GRIN2B: variants seen among roughly 807,000 people sequenced by gnomAD.
The protein encoded by GRIN2B is glutamate receptor ionotropic, NMDA 2B.
Under a neutral mutation model 114.5 loss-of-function variants are expected in GRIN2B, and 5 were observed. The observed-to-expected ratio is 0.04, with a 90% confidence interval of 0.02 to 0.09. GRIN2B has a LOEUF of 0.09. Ranked by LOEUF, GRIN2B falls within the 10% of genes least tolerant of loss-of-function variation. The pLI is 1.00. For missense variants in GRIN2B, 1,108 were observed against 1,943.5 expected, an observed-to-expected ratio of 0.57 and a Z score of 8.08; for synonymous variants, 787 against 745.1, an observed-to-expected ratio of 1.06 and a Z score of -0.92.
intron 9 of GRIN2B, 40 bp from the exon 10 acceptor site, chr12:13,608,872 G>A (rs1179441564): frequency 6.8e-7 from 1 of 1,474,270 alleles, no homozygotes; most frequent in Admixed American, 1.7e-5. Flanking sequence ...TTAAGCCATT[G>A]TGGCTGGTTC....
At chr12:13,741,402 T>TAA (rs1863284670) in intron 4 of GRIN2B, among the ~76,000 whole-genome samples, 3 of 152,218 alleles carry the variant, frequency 2.0e-5, no homozygotes, top group Non-Finnish European at 4.4e-5. Flanking sequence ...GAGTCATTCC[T>TAA]AATTCACTCA....
chr12:13,546,954 T>A lies in GRIN2B; in HGVS notation c.*15829A>T, dbSNP rs1313591870. On this transcript the variant is annotated 3_prime_UTR_variant, in exon 14 of 14. Coordinates refer to ENST00000609686, the MANE Select transcript of GRIN2B (RefSeq NM_000834.5). The stretch of plus-strand genomic sequence containing the variant: ...TCCCTCTCCACTAAGAGCCACTCAC[T>A]ATCCCAGCACTTGATCTTGAGTTGA... 2 of 152,198 alleles carry A rather than the reference T, an allele frequency of 1.3e-5. No individual in the cohort carries two copies. The highest frequency in any genetic ancestry group is 2.9e-5 in the Non-Finnish European group (2 of 68,048). The allele number at this position is 152,198 out of a possible 1,614,324, so 9.4% of individuals were successfully genotyped here. A position where few individuals can be genotyped will look rare whatever the true frequency, so the allele number is the denominator to read the frequency against.
At position 13,554,946 on chromosome 12, in the gene GRIN2B, T is replaced by C. The variant is rs1477702944; in HGVS notation, c.*7837A>G. The stretch of plus-strand genomic sequence containing the variant: ...ATGGTTTTGGATATTTGAGTCAAGA[T>C]GAAGTTGAGTGTTCAGAAGGTGACT... On this transcript the variant is annotated 3_prime_UTR_variant, in exon 14 of 14. Transcript: ENST00000609686. The C allele has an allele frequency of 1.3e-5, 2 of 152,148 alleles. No homozygotes were observed. The highest frequency in any genetic ancestry group is 2.1e-4 in the South Asian group (1 of 4,828). 9.4% of individuals were successfully genotyped at this position (152,148 alleles called of 1,614,324 possible).
At chr12:13,697,006 G>A (rs981661674) in intron 4 of GRIN2B, among the ~76,000 whole-genome samples, 1 of 152,082 alleles carries the variant, frequency 6.6e-6, no homozygotes, top group African/African-American at 2.4e-5. Flanking sequence ...CAGCAGGAGG[G>A]GAAAGGGTGA....
At chr12:13,754,626 C>G in intron 3 of GRIN2B, among the ~76,000 whole-genome samples, 1 of 152,318 alleles carries the variant, frequency 6.6e-6, no homozygotes, top group Middle Eastern at 3.4e-3. Flanking sequence ...TGCTCTCTAA[C>G]TTCTACTCTG....
At chr12:13,625,209 T>C (rs1949554482) in intron 5 of GRIN2B, among the ~76,000 whole-genome samples, 1 of 152,218 alleles carries the variant, frequency 6.6e-6, no homozygotes, top group Non-Finnish European at 1.5e-5. Flanking sequence ...TCTGATTTGT[T>C]TGACTCTAGC....
At chr12:13,654,195 T>A (rs1029643029) in intron 5 of GRIN2B, among the ~76,000 whole-genome samples, 1 of 152,028 alleles carries the variant, frequency 6.6e-6, no homozygotes, top group Admixed American at 6.6e-5. Context: ...AAAAGGTAGA[T>A]GTTATTTCTG....
intron 2 of GRIN2B, among the ~76,000 whole-genome samples, chr12:13,906,328 T>C (rs1866533833): frequency 6.6e-6 from 1 of 152,190 alleles, no homozygotes; most frequent in African/African-American, 2.4e-5. Flanking sequence ...TGTCCTCCTA[T>C]GTCAAAGCTT....
At chr12:13,903,808 A>G (rs1171126099) in intron 2 of GRIN2B, among the ~76,000 whole-genome samples, 1 of 152,054 alleles carries the variant, frequency 6.6e-6, no homozygotes, top group African/African-American at 2.4e-5. Flanking sequence ...ACCTCCTATC[A>G]TAATCATGAA....
intron 4 of GRIN2B, among the ~76,000 whole-genome samples, chr12:13,676,874 G>T (rs1178295830): frequency 6.6e-6 from 1 of 152,134 alleles, no homozygotes; most frequent in Non-Finnish European, 1.5e-5. Flanking sequence ...AATGGGAAAA[G>T]GTGGGAAAGG....
At chr12:13,776,370 C>T (rs1209734433) in intron 3 of GRIN2B, among the ~76,000 whole-genome samples, 1 of 152,076 alleles carries the variant, frequency 6.6e-6, no homozygotes, top group Non-Finnish European at 1.5e-5. Flanking sequence ...ACCACCATGG[C>T]ACACGTTCAC....
intron 3 of GRIN2B, among the ~76,000 whole-genome samples, chr12:13,780,315 A>G (rs1864084135): frequency 6.6e-6 from 1 of 152,176 alleles, no homozygotes; most frequent in African/African-American, 2.4e-5. Flanking sequence ...TCATTTACAT[A>G]AGCAACTTCA....
chr12:13,740,629 T>C (rs1863265555), intron 4 of GRIN2B, among the ~76,000 whole-genome samples: 1 of 152,174 alleles, frequency 6.6e-6, no homozygotes, highest in African/African-American at 2.4e-5. Flanking sequence ...CAAGGTCTTG[T>C]TTTGTTCTAT....
intron 5 of GRIN2B, among the ~76,000 whole-genome samples, chr12:13,658,999 T>C (rs1283872863): frequency 6.6e-6 from 1 of 152,174 alleles, no homozygotes; most frequent in Non-Finnish European, 1.5e-5. Flanking sequence ...CTGTAGCCCA[T>C]GTCCTTGGTC....
At chr12:13,794,690 C>T (rs764332699) in intron 3 of GRIN2B, among the ~76,000 whole-genome samples, 1 of 152,158 alleles carries the variant, frequency 6.6e-6, no homozygotes, top group Admixed American at 6.5e-5. Flanking sequence ...AAATAAATAA[C>T]GTTAGCCATG....
At chr12:13,800,432 C>T (rs911201281) in intron 3 of GRIN2B, among the ~76,000 whole-genome samples, 1 of 152,158 alleles carries the variant, frequency 6.6e-6, no homozygotes, top group African/African-American at 2.4e-5. Flanking sequence ...ATTATCCAAA[C>T]TCCTGACCAT....
At chr12:13,691,633 A>T (rs1950215766) in intron 4 of GRIN2B, among the ~76,000 whole-genome samples, 1 of 152,204 alleles carries the variant, frequency 6.6e-6, no homozygotes, top group African/African-American at 2.4e-5. Context: ...GAAGCAAAAT[A>T]GCTTGAAGAA....
intron 4 of GRIN2B, among the ~76,000 whole-genome samples, chr12:13,684,925 A>G (rs1298684826): frequency 6.6e-6 from 1 of 152,150 alleles, no homozygotes; most frequent in Non-Finnish European, 1.5e-5. Context: ...CACAGGCTGG[A>G]AAAACTATTC....
intron 3 of GRIN2B, among the ~76,000 whole-genome samples, chr12:13,846,012 C>T (rs1044575134): frequency 7.2e-5 from 11 of 152,212 alleles, no homozygotes; most frequent in Non-Finnish European, 1.6e-4. Context: ...TATTCACTCA[C>T]CTTTCCTTCA....
Sources: gnomAD v4.1 joint callset for allele counts (sites outside exome capture counted in the v4.1 genomes callset) on GRCh38, gnomAD v4.1.1 for gene constraint, MANE v1.5 for transcripts, NCBI Gene and HGNC (gene_info 2026-07-23, HGNC 2026-07-21) for gene names.